ZNF18: variants seen among roughly 807,000 people sequenced by gnomAD.
The protein encoded by ZNF18 is heart development-specific gene 1 protein.
In ZNF18, 42 loss-of-function variants were observed where a neutral mutation model predicts 58.1. The observed-to-expected ratio is 0.72, with a 90% CI of 0.56 to 0.93. The LOEUF is 0.93. Ranked by LOEUF, ZNF18 falls within the 40% of genes least tolerant of loss-of-function variation. ZNF18 has a pLI of 0.00. For missense variants in ZNF18, 540 were observed against 644.2 expected (o/e 0.84, Z 1.75); for synonymous variants, 231 against 239.8 (o/e 0.96, Z 0.34).
the ZNF18 span, chr17:12,021,013 G>C: frequency 1.7e-6 from 2 of 1,203,624 alleles, no homozygotes; most frequent in East Asian, 6.8e-5. Flanking sequence ...TAAGGAACGC[G>C]GCCGCGCCGA....
intron 4 of ZNF18, among the ~76,000 whole-genome samples, chr17:11,988,025 G>A (rs567614828): frequency 6.6e-6 from 1 of 152,024 alleles, no homozygotes; most frequent in South Asian, 2.1e-4. Context: ...TTCCTTCAAC[G>A]TTTTAAATGA....
chr17:12,017,196 CA>C, the ZNF18 span, among the ~76,000 whole-genome samples: 17 of 145,560 alleles, frequency 1.2e-4, no homozygotes, highest in African/African-American at 2.5e-4. Flanking sequence ...GACTCTGTCT[CA>C]AAAAAAAAAA....
At chr17:12,008,219 G>A in the ZNF18 span, among the ~76,000 whole-genome samples, 2 of 152,100 alleles carry the variant, frequency 1.3e-5, no homozygotes, top group East Asian at 3.9e-4. Flanking sequence ...AGATTGATGT[G>A]GACCCTTCCA....
chr17:12,017,778 G>A, the ZNF18 span, among the ~76,000 whole-genome samples: 1 of 152,008 alleles, frequency 6.6e-6, no homozygotes, highest in Non-Finnish European at 1.5e-5. Context: ...TCGGGAGGCT[G>A]AGGCAGGAGA....
intron 6 of ZNF18, among the ~76,000 whole-genome samples, chr17:11,982,699 T>TGTGTGTGTGTG (rs56065701): frequency 1.3e-5 from 2 of 149,240 alleles, no homozygotes; most frequent in African/African-American, 2.5e-5. Flanking sequence ...TGTGTGTGTG[T>TGTGTGTGTGTG]AGGTTTCGCA....
At position 11,978,218 on chromosome 17, in the gene ZNF18, G is replaced by A. The variant is rs761156024; in HGVS notation, c.1389C>T (p.Pro463=). ...CTTTCCCACAGTAATCACATTTACA[G>A]GGCTTCTCTCCCGTGTGAGTTCTCT... ...KHQRTHTGEK[P]CKCDYCGKGF... is the part of the protein sequence containing the mutation. The change falls in exon 7 of 7, where the codon CCC becomes CCT. Residue 463 remains proline, a synonymous_variant. Coordinates refer to ENST00000580306, the MANE Select transcript of ZNF18 (RefSeq NM_001303281.2). The A allele has an allele frequency of 3.1e-6, 5 of 1,613,976 alleles. No homozygotes were observed. The highest frequency in any genetic ancestry group is 2.7e-5 in the African/African-American group (2 of 74,916).
At chr17:12,001,405 G>A (rs539054349), upstream of ZNF18, among the ~76,000 whole-genome samples, 156 of 152,212 alleles carry the variant, frequency 1.0e-3, no homozygotes, top group Non-Finnish European at 1.9e-3. Flanking sequence ...TGAGGCGGGC[G>A]GATCACAAGG....
upstream of ZNF18, among the ~76,000 whole-genome samples, chr17:12,000,890 C>T (rs929682694): frequency 1.3e-4 from 20 of 152,076 alleles, no homozygotes; most frequent in East Asian, 1.9e-4. Context: ...CAATAAGGAA[C>T]GAGAAGAGAA....
the ZNF18 span, among the ~76,000 whole-genome samples, chr17:12,003,439 CAAA>C: frequency 5.5e-5 from 4 of 72,440 alleles, no homozygotes; most frequent in Admixed American, 1.6e-4. Flanking sequence ...GACTCTGTCT[CAAA>C]AAAAAAAAAA....
At position 11,978,040 on chromosome 17, in the gene ZNF18, A is replaced by C. The variant is rs762451481; in HGVS notation, c.1567T>G (p.Ser523Ala). The change falls in exon 7 of 7, where the codon TCG (serine) becomes GCG (alanine). Residue 523 changes from serine (S) to alanine (A), a missense_variant. Ser to Ala is a moderately conservative substitution (Grantham distance 99). Coordinates refer to ENST00000580306, the MANE Select transcript of ZNF18 (RefSeq NM_001303281.2). ...VHTGEKPYKC[S>A]HCGKSFSWSS... The stretch of plus-strand genomic sequence containing the variant: ...CAGCTGAAACTTTTCCCACAGTGCG[A>C]ACATTTATAAGGTTTCTCTCCAGTG... The C allele has an allele frequency of 1.4e-5, 22 of 1,612,720 alleles. No individual in the cohort carries two copies. In the South Asian group the frequency reaches 2.3e-4, roughly 17 times the overall value.
chr17:12,020,866 C>G, the ZNF18 span: 2 of 1,132,380 alleles, frequency 1.8e-6, no homozygotes, highest in African/African-American at 1.6e-5. Context: ...CGCGGCGCCG[C>G]TCGGCTCTTC....
chr17:11,990,857 T>C (rs1364653007), intron 3 of ZNF18, 117 bp downstream of exon 3: 25 of 1,199,264 alleles, frequency 2.1e-5, no homozygotes, highest in Non-Finnish European at 2.8e-5. Context: ...GTCTAACCTG[T>C]TTGCAAACCT....
the ZNF18 span, among the ~76,000 whole-genome samples, chr17:12,015,698 T>C: frequency 7.9e-5 from 12 of 152,220 alleles, no homozygotes; most frequent in African/African-American, 2.9e-4. Flanking sequence ...CGCCTATCAT[T>C]CAACCATTTT....
intron 6 of ZNF18, among the ~76,000 whole-genome samples, chr17:11,979,834 A>T (rs1224069353): frequency 1.3e-5 from 2 of 152,206 alleles, no homozygotes; most frequent in Non-Finnish European, 2.9e-5. Context: ...TCAAATGGCA[A>T]AGGTACTTTC....
the ZNF18 span, chr17:12,011,081 A>G: frequency 4.1e-6 from 3 of 725,170 alleles, no homozygotes; most frequent in Admixed American, 1.8e-5. Context: ...TTCCTTTTTG[A>G]ACAGTACTCA....
intron 1 of ZNF18, chr17:11,997,078 C>G (rs894736834): frequency 6.6e-6 from 1 of 152,406 alleles, no homozygotes; most frequent in South Asian, 2.1e-4. Context: ...ATCATCCCAT[C>G]GGGTTTCCTC....
At chr17:11,997,703 C>A (rs1406553534), upstream of ZNF18, among the ~76,000 whole-genome samples, 4 of 152,242 alleles carry the variant, frequency 2.6e-5, no homozygotes, top group African/African-American at 9.6e-5. Context: ...TGAGTTCCTT[C>A]ACTTCTCACC....
At chr17:12,009,270 A>T in the ZNF18 span, 3 of 151,770 alleles carry the variant, frequency 2.0e-5, no homozygotes, top group African/African-American at 4.8e-5. Flanking sequence ...TTATCCCTAC[A>T]TGGCTGCTTC....
At chr17:11,984,481 G>A (rs1414335822) in intron 4 of ZNF18, among the ~76,000 whole-genome samples, 1 of 151,502 alleles carries the variant, frequency 6.6e-6, no homozygotes, top group Non-Finnish European at 1.5e-5. Context: ...CGTATAGAGG[G>A]CAGGAGCCTT....
Sources: allele counts gnomAD v4.1 joint callset (sites outside exome capture counted in the v4.1 genomes callset), GRCh38; gene constraint gnomAD v4.1.1; transcripts MANE v1.5; gene names NCBI Gene and HGNC (gene_info 2026-07-23, HGNC 2026-07-21).